ITPR1: variants seen among roughly 807,000 people sequenced by gnomAD.
The protein encoded by ITPR1 is inositol 1,4,5-trisphosphate-gated calcium channel ITPR1.
In ITPR1, 96 loss-of-function variants were observed where a neutral mutation model predicts 318.4. That is an observed-to-expected ratio of 0.30 (90% confidence interval 0.26 to 0.36). The LOEUF is 0.36. Ranked by LOEUF, ITPR1 falls within the 10% of genes least tolerant of loss-of-function variation. The probability of loss-of-function intolerance (pLI) is 1.00; values close to 1 mark genes in which losing one functional copy is unlikely to be tolerated. For missense variants in ITPR1, 2,440 were observed against 3,460.2 expected (o/e 0.71, Z 7.40); for synonymous variants, 1,312 against 1,289.9 (o/e 1.02, Z -0.37).
At chr3:4,616,363 C>G (rs1403873939) in intron 4 of ITPR1, among the ~76,000 whole-genome samples, 3 of 151,956 alleles carry the variant, frequency 2.0e-5, no homozygotes, top group Admixed American at 2.0e-4. Context: ...TTTTATATTC[C>G]CCTCTCATTA....
intron 12 of ITPR1, among the ~76,000 whole-genome samples, chr3:4,657,401 T>TG (rs1300217036): frequency 2.6e-5 from 4 of 151,512 alleles, no homozygotes; most frequent in African/African-American, 9.8e-5. Context: ...TTTTTTGTTT[T>TG]TTTTTTTTAA....
chr3:4,783,977 G>T (rs1460282936), intron 51 of ITPR1, 57 bp downstream of exon 51: 2 of 1,185,330 alleles, frequency 1.7e-6, no homozygotes, highest in Non-Finnish European at 2.4e-6. Flanking sequence ...AGTGTGCAAT[G>T]CCCTGCTCTG....
At chr3:4,656,157 T>C (rs1215876376) in intron 12 of ITPR1, among the ~76,000 whole-genome samples, 1 of 152,178 alleles carries the variant, frequency 6.6e-6, no homozygotes, top group East Asian at 1.9e-4. Flanking sequence ...GTGCCTTTCT[T>C]TCCACTAGGT....
At chr3:4,805,657 C>T (rs2048507453) in intron 54 of ITPR1, among the ~76,000 whole-genome samples, 1 of 152,180 alleles carries the variant, frequency 6.6e-6, no homozygotes, top group African/African-American at 2.4e-5. Context: ...GATCACTGCT[C>T]ATTAAATTGC....
At chr3:4,599,023 T>C (rs1247112114) in intron 4 of ITPR1, among the ~76,000 whole-genome samples, 3 of 151,476 alleles carry the variant, frequency 2.0e-5, no homozygotes, top group East Asian at 1.9e-4. Context: ...TTTTTTTTTT[T>C]CATCTTTTCT....
At chr3:4,635,949 C>T (rs1441833817) in intron 5 of ITPR1, among the ~76,000 whole-genome samples, 3 of 151,938 alleles carry the variant, frequency 2.0e-5, no homozygotes, top group Non-Finnish European at 2.9e-5. Flanking sequence ...CAACCTCTGC[C>T]TCCTGGGTTC....
chr3:4,806,046 C>G (rs1480735169), intron 54 of ITPR1, 57 bp from the exon 55 acceptor site: 3 of 1,439,556 alleles, frequency 2.1e-6, no homozygotes, highest in Middle Eastern at 3.6e-4. Context: ...TCTCGTTGCT[C>G]TCATGAAGAG....
intron 54 of ITPR1, among the ~76,000 whole-genome samples, chr3:4,801,441 G>A (rs115663304): frequency 1.3e-5 from 2 of 152,256 alleles, no homozygotes; most frequent in African/African-American, 4.8e-5. Flanking sequence ...AGCTTACAGC[G>A]GGGAGGAGGC....
intron 2 of ITPR1, among the ~76,000 whole-genome samples, chr3:4,506,523 A>G (rs775804316): frequency 2.0e-5 from 3 of 152,108 alleles, no homozygotes; most frequent in Non-Finnish European, 4.4e-5. Flanking sequence ...GCATATACTC[A>G]TCACTATCTG....
intron 4 of ITPR1, among the ~76,000 whole-genome samples, chr3:4,612,760 G>A (rs1015870762): frequency 1.3e-5 from 2 of 152,104 alleles, no homozygotes; most frequent in African/African-American, 4.8e-5. Context: ...GGTGGTGGGG[G>A]CCTGTAATCC....
At chr3:4,728,630 A>C (rs140309563) in intron 42 of ITPR1, among the ~76,000 whole-genome samples, 1,919 of 152,284 alleles carry the variant, frequency 0.013, 43 homozygotes, top group African/African-American at 0.043. Context: ...TAAAATGTAC[A>C]ATTATGTTAT....
intron 30 of ITPR1, among the ~76,000 whole-genome samples, chr3:4,685,991 T>C (rs1202565886): frequency 6.6e-6 from 1 of 152,234 alleles, no homozygotes; most frequent in Non-Finnish European, 1.5e-5. Flanking sequence ...AAGACTCACC[T>C]GATGAAGGCT....
intron 4 of ITPR1, among the ~76,000 whole-genome samples, chr3:4,548,230 A>G (rs75930911): frequency 2.0e-5 from 3 of 152,308 alleles, no homozygotes; most frequent in Non-Finnish European, 4.4e-5. Flanking sequence ...ATTGTGTACT[A>G]TGTCTCAGTC....
chr3:4,654,915 C>T (rs924984470), intron 12 of ITPR1, among the ~76,000 whole-genome samples: 1 of 152,126 alleles, frequency 6.6e-6, no homozygotes, highest in African/African-American at 2.4e-5. Flanking sequence ...GGGAGCCTCT[C>T]CTCCCTTTTG....
chr3:4,623,803 T>G (rs1201083423), intron 4 of ITPR1, among the ~76,000 whole-genome samples: 1 of 152,250 alleles, frequency 6.6e-6, no homozygotes, highest in East Asian at 1.9e-4. Context: ...AAGGCTAATT[T>G]CGTTCTGTTA....
chr3:4,671,115 G>T (rs2094069307), intron 20 of ITPR1, among the ~76,000 whole-genome samples, 189 bp downstream of exon 20: 1 of 152,178 alleles, frequency 6.6e-6, no homozygotes, highest in East Asian at 1.9e-4. Flanking sequence ...ATCTGGATGT[G>T]GCTGGTTCCC....
intron 44 of ITPR1, among the ~76,000 whole-genome samples, chr3:4,762,989 T>C (rs2045558967): frequency 6.6e-6 from 1 of 152,222 alleles, no homozygotes; most frequent in African/African-American, 2.4e-5. Context: ...ACATAAACTA[T>C]GCAGCCATAA....
chr3:4,510,281 C>T (rs935949715), intron 2 of ITPR1, among the ~76,000 whole-genome samples: 2 of 151,992 alleles, frequency 1.3e-5, no homozygotes, highest in Admixed American at 6.6e-5. Flanking sequence ...GTAGGCAGGG[C>T]TAGATCATGA....
At chr3:4,676,580 C>T in intron 23 of ITPR1, 34 bp from the exon 24 acceptor site, 3 of 1,570,410 alleles carry the variant, frequency 1.9e-6, no homozygotes, top group Non-Finnish European at 2.6e-6. Context: ...TCTCTAGAGA[C>T]ATTGTGACCG....
Sources: gnomAD v4.1 joint callset for allele counts (sites outside exome capture counted in the v4.1 genomes callset) on GRCh38, gnomAD v4.1.1 for gene constraint, MANE v1.5 for transcripts, NCBI Gene and HGNC (gene_info 2026-07-23, HGNC 2026-07-21) for gene names.